TCP11L2: variants seen among roughly 807,000 people sequenced by gnomAD.
TCP11L2 encodes T-complex protein 11-like protein 2.
In TCP11L2, 39 loss-of-function variants were observed where a neutral mutation model predicts 50.7. The ratio of observed to expected loss-of-function variants is 0.77; its 90% CI spans 0.60 to 1.01. The LOEUF (loss-of-function observed/expected upper bound fraction) is 1.01, where lower values mean the gene tolerates loss of function less well. TCP11L2 is among the 50% of genes least tolerant of loss of function. The pLI, the probability that TCP11L2 is intolerant of heterozygous loss-of-function variation, is 0.00. For synonymous variants in TCP11L2, 192 were observed against 219.3 expected, an observed-to-expected ratio of 0.88 and a Z score of 1.10; for missense variants, 612 against 614.7, an observed-to-expected ratio of 1.00 and a Z score of 0.05.
chr12:106,323,269 A>T (rs2035406819), intron 5 of TCP11L2, among the ~76,000 whole-genome samples: 1 of 151,798 alleles, frequency 6.6e-6, no homozygotes. Flanking sequence ...TCCTTCTTGA[A>T]TTTTTCTTAT....
chr12:106,323,601 G>C lies in TCP11L2; in HGVS notation c.727G>C (p.Glu243Gln), dbSNP rs142823625. ...LRPHLQRQLV[E>Q]YERTKFQEIL... ...ACCGCACCTTCAACGCCAGTTGGTG[G>C]AATATGAGAGAACCAAGTTCCAGGA... is the stretch of plus-strand genomic sequence containing the variant. Residue 243 changes from glutamate to glutamine, a missense_variant, in exon 6 of 10, where the codon GAA becomes CAA. Transcript: ENST00000299045. 7.0e-5 allele frequency: 113 copies of C among 1,604,060 alleles called. No homozygotes were observed. The highest frequency in any genetic ancestry group is 9.1e-5 in the Non-Finnish European group (107 of 1,175,388).
chr12:106,325,518 G>T (rs2035504066), intron 6 of TCP11L2: 1 of 152,244 alleles, frequency 6.6e-6, no homozygotes, highest in African/African-American at 2.4e-5. Context: ...AAAGACACAG[G>T]CCAACTTGAC....
At chr12:106,313,850 C>T (rs1471910459) in intron 2 of TCP11L2, among the ~76,000 whole-genome samples, 1 of 148,884 alleles carries the variant, frequency 6.7e-6, no homozygotes, top group Non-Finnish European at 1.5e-5. Context: ...ACTGCAAGCT[C>T]CTCCTCCTGG....
intron 1 of TCP11L2, among the ~76,000 whole-genome samples, chr12:106,309,236 C>T (rs1424712320): frequency 1.3e-5 from 2 of 152,190 alleles, no homozygotes; most frequent in Non-Finnish European, 2.9e-5. Context: ...TCGCCTTCCC[C>T]TGAGCAGATT....
At chr12:106,310,926 G>C in intron 1 of TCP11L2, 115 bp from the exon 2 acceptor site, 2 of 886,784 alleles carry the variant, frequency 2.3e-6, no homozygotes, top group Admixed American at 5.4e-5. Flanking sequence ...GGTCATCTGG[G>C]GGCCTTTCCA....
chr12:106,331,920 C>T (rs955661305), intron 6 of TCP11L2, among the ~76,000 whole-genome samples: 1 of 152,242 alleles, frequency 6.6e-6, no homozygotes, highest in Non-Finnish European at 1.5e-5. Flanking sequence ...CATTCTCTGT[C>T]TTGCTTTCTA....
rs573962071 is a variant in TCP11L2 at position 106,319,000 on chromosome 12, T to C, written c.414+536T>C. On this transcript the variant is annotated intron_variant, in intron 4 of 9. Transcript: ENST00000299045. The stretch of plus-strand genomic sequence containing the variant: ...AATCTCGGCTCACTGCAAGCTCCGC[T>C]TCCCGGGTTCACGCCATTCTCCTGC... Among the ~76,000 whole-genome samples the C allele has an allele frequency of 1.8e-4, 28 of 151,860 alleles. No homozygotes were observed. In the South Asian group the frequency reaches 4.8e-3, roughly 26 times the overall value.
chr12:106,335,173 A>C (rs1051999475), intron 6 of TCP11L2, among the ~76,000 whole-genome samples: 1 of 152,208 alleles, frequency 6.6e-6, no homozygotes, highest in South Asian at 2.1e-4. Flanking sequence ...TTCAGATTGT[A>C]TAAATCTTTC....
intron 3 of TCP11L2, among the ~76,000 whole-genome samples, chr12:106,317,800 G>A (rs1175396524): frequency 6.6e-6 from 1 of 152,196 alleles, no homozygotes; most frequent in Non-Finnish European, 1.5e-5. Context: ...TTGACATAAG[G>A]GGTGAAGCAA....
At chr12:106,311,369 A>T in intron 2 of TCP11L2, 137 bp downstream of exon 2, 3 of 961,694 alleles carry the variant, frequency 3.1e-6, no homozygotes, top group Non-Finnish European at 4.5e-6. Context: ...CTGCAGAGGC[A>T]CTGCAGCTTT....
At position 106,317,849 on chromosome 12, in the gene TCP11L2, G is replaced by A. The variant is rs115407531; in HGVS notation, c.294-495G>A. ...TCTATTGTGAGCTCTTCCTAGGAAG[G>A]CTTCTATTTCACCAGTTTGGTCTGG... On this transcript the variant is annotated intron_variant, in intron 3 of 9. Coordinates refer to ENST00000299045, the MANE Select transcript of TCP11L2 (RefSeq NM_152772.3). 7.2e-3 allele frequency among the ~76,000 whole-genome samples: 1,091 copies of A among 152,328 alleles called. 13 individuals are homozygous for A. The highest frequency in any genetic ancestry group is 0.025 in the African/African-American group (1,030 of 41,576).
upstream of TCP11L2, among the ~76,000 whole-genome samples, chr12:106,298,472 G>C (rs1361824024): frequency 6.6e-6 from 1 of 152,172 alleles, no homozygotes; most frequent in Non-Finnish European, 1.5e-5. Context: ...GGACAGGGGA[G>C]AGAAAAGAAG....
intron 4 of TCP11L2, among the ~76,000 whole-genome samples, chr12:106,319,779 G>T (rs1325801620): frequency 6.6e-6 from 1 of 152,244 alleles, no homozygotes; most frequent in Admixed American, 6.5e-5. Flanking sequence ...ACAACTTTGT[G>T]GGGTAGAGAG....
At chr12:106,312,275 T>C in intron 2 of TCP11L2, 1 of 388,116 alleles carries the variant, frequency 2.6e-6, no homozygotes, top group Non-Finnish European at 4.7e-6. Context: ...TTTTTTTTTT[T>C]TTTGCTGTTA....
In TCP11L2 at chr12:106,328,193, AAAG is replaced by A. The variant is rs552790356; in HGVS notation, c.772+4552_772+4554del. 1.1e-4 allele frequency among the ~76,000 whole-genome samples: 16 copies of A among 152,366 alleles called. No homozygotes were observed. In the South Asian group the frequency reaches 3.3e-3, roughly 32 times the overall value. ...TCAAGAAATATTTATGGAATATTTT[AAAG>A]AAGAGCAAACTGATGCTCAGTGATG... On this transcript the variant is annotated intron_variant, in intron 6 of 9. Coordinates refer to ENST00000299045, the MANE Select transcript of TCP11L2 (RefSeq NM_152772.3).
At chr12:106,326,106 C>G (rs1037558547) in intron 6 of TCP11L2, among the ~76,000 whole-genome samples, 2 of 152,148 alleles carry the variant, frequency 1.3e-5, no homozygotes, top group Non-Finnish European at 2.9e-5. Context: ...TTGGCAAACT[C>G]TTGACACCAG....
intron 1 of TCP11L2, among the ~76,000 whole-genome samples, chr12:106,310,226 A>G (rs2034801951): frequency 6.6e-6 from 1 of 152,186 alleles, no homozygotes; most frequent in South Asian, 2.1e-4. Flanking sequence ...TTTATCATGT[A>G]GTAAATCCCC....
rs891112148 is a variant in TCP11L2, at chr12:106,325,783, C to T, written c.772+2137C>T. 4.7e-5 allele frequency: 7 copies of T among 149,114 alleles called. 1 individual carries two copies. The highest frequency in any genetic ancestry group is 2.2e-4 in the South Asian group (1 of 4,566). 9.2% of individuals were successfully genotyped at this position (149,114 alleles called of 1,614,324 possible). A position where few individuals can be genotyped will look rare whatever the true frequency, so the allele number is the denominator to read the frequency against. ...GCAGGTGCCTGTAATCCCAGCTGCTCGGGAGGTTGAGATGGGAGAATCGCT... is the reference window on the plus strand; with the variant it reads ...GCAGGTGCCTGTAATCCCAGCTGCTTGGGAGGTTGAGATGGGAGAATCGCT... On this transcript the variant is annotated intron_variant, in intron 6 of 9. Transcript: ENST00000299045.
chr12:106,342,622 C>A (rs937536367), intron 9 of TCP11L2, among the ~76,000 whole-genome samples: 3 of 152,226 alleles, frequency 2.0e-5, no homozygotes, highest in African/African-American at 7.2e-5. Flanking sequence ...CTGCTATATT[C>A]TTGTGCAATG....
Sources: allele counts gnomAD v4.1 joint callset (sites outside exome capture counted in the v4.1 genomes callset), GRCh38; gene constraint gnomAD v4.1.1; transcripts MANE v1.5; gene names NCBI Gene and HGNC (gene_info 2026-07-23, HGNC 2026-07-21).